The following EXOC6 variants were observed in gnomAD, a reference collection of about 807,000 sequenced individuals.
EXOC6 encodes SEC15-like 1.
Under a neutral mutation model 112.5 loss-of-function variants are expected in EXOC6, and 60 were observed. The observed-to-expected ratio is 0.53, with a 90% CI of 0.43 to 0.66. The LOEUF is 0.66. Ranked by LOEUF, EXOC6 falls within the 30% of genes least tolerant of loss-of-function variation. EXOC6 has a pLI of 0.00. For synonymous variants in EXOC6, 295 were observed against 308.0 expected, an observed-to-expected ratio of 0.96 and a Z score of 0.44; for missense variants, 855 against 957.1, an observed-to-expected ratio of 0.89 and a Z score of 1.41.
At chr10:92,939,164 G>C (rs1406878250) in intron 12 of EXOC6, among the ~76,000 whole-genome samples, 9 of 152,062 alleles carry the variant, frequency 5.9e-5, no homozygotes, top group Admixed American at 2.6e-4. Context: ...GTAGTTTTTA[G>C]GCAGGGGAAT....
At chr10:92,919,383 T>A (rs771500532) in intron 7 of EXOC6, among the ~76,000 whole-genome samples, 49 of 152,248 alleles carry the variant, frequency 3.2e-4, no homozygotes, top group Non-Finnish European at 5.6e-4. Flanking sequence ...GGTTTATGTA[T>A]TTCTCAAGTT....
At chr10:92,919,668 G>A (rs1054374000) in intron 7 of EXOC6, among the ~76,000 whole-genome samples, 3 of 151,968 alleles carry the variant, frequency 2.0e-5, no homozygotes, top group Non-Finnish European at 4.4e-5. Flanking sequence ...CAATAATAAG[G>A]TATCTAGTTA....
rs540614584 is a variant in EXOC6 at position 92,864,933 on chromosome 10, T to A, written c.101+16299T>A. On this transcript the variant is annotated intron_variant, in intron 1 of 21. Transcript: ENST00000260762. ...CTGTAATAAATCTTTTATATGTCTT[T>A]ATATATCCTATTAGTTTTGTTCCTT... is the stretch of plus-strand genomic sequence containing the variant. Among the ~76,000 whole-genome samples, 31 of 152,320 alleles carry A rather than the reference T, an allele frequency of 2.0e-4. No individual in the cohort carries two copies. In the South Asian group the frequency reaches 6.3e-3, roughly 31 times the overall value.
chr10:92,938,719 CAGTA>C (rs1362536977), intron 12 of EXOC6, among the ~76,000 whole-genome samples: 2 of 152,094 alleles, frequency 1.3e-5, no homozygotes, highest in African/African-American at 4.8e-5. Context: ...ACATAAAAGT[CAGTA>C]AGACAGTAGG....
chr10:92,830,750 C>T (rs1846461853), upstream of EXOC6, among the ~76,000 whole-genome samples: 1 of 152,160 alleles, frequency 6.6e-6, no homozygotes, highest in Non-Finnish European at 1.5e-5. Flanking sequence ...AACCACTAGC[C>T]TAGGGTCACT....
At position 92,940,102 on chromosome 10, in the gene EXOC6, A is replaced by G. The variant is rs573780815; in HGVS notation, c.1213-625A>G. On this transcript the variant is annotated intron_variant, in intron 12 of 21. Coordinates refer to ENST00000260762, the MANE Select transcript of EXOC6 (RefSeq NM_019053.6). ...ACATAATAGAGTAAGAAGTTAACCC[A>G]TGGAATGGTTTATGTGGAAGGAGAT... Among the ~76,000 whole-genome samples the G allele has an allele frequency of 2.0e-5, 3 of 152,240 alleles. No homozygotes were observed. The South Asian group carries it at 6.2e-4, about 32-fold the overall frequency.
rs181388886 is a variant in EXOC6, at chr10:92,994,784, A to G, written c.1954-2690A>G. On this transcript the variant is annotated intron_variant, in intron 18 of 21. Coordinates refer to ENST00000260762, the MANE Select transcript of EXOC6 (RefSeq NM_019053.6). Reference sequence around the variant, plus strand: ...GGCATCAATAATAATAATAATAATAATAGTGTTCAGAAGATTATACCAGAG... The same window carrying G: ...GGCATCAATAATAATAATAATAATAGTAGTGTTCAGAAGATTATACCAGAG... Among the ~76,000 whole-genome samples the G allele has an allele frequency of 6.9e-3, 1,035 of 150,960 alleles. 22 individuals are homozygous for G. The highest frequency in any genetic ancestry group is 0.024 in the African/African-American group (985 of 40,522).
chr10:92,985,528 C>T (rs1457785162), intron 18 of EXOC6, among the ~76,000 whole-genome samples: 4 of 152,204 alleles, frequency 2.6e-5, no homozygotes, highest in Admixed American at 6.5e-5. Flanking sequence ...TCTCAGGATA[C>T]GAGTAAACAT....
chr10:92,966,308 T>TATTATA (rs1459744572), intron 17 of EXOC6, among the ~76,000 whole-genome samples: 1 of 148,672 alleles, frequency 6.7e-6, no homozygotes, highest in East Asian at 2.0e-4. Context: ...TTATTATTAT[T>TATTATA]ATACTTTTAG....
chr10:93,039,672 A>G (rs181267129), intron 20 of EXOC6, among the ~76,000 whole-genome samples: 70 of 152,372 alleles, frequency 4.6e-4, no homozygotes, highest in Admixed American at 2.0e-3. Flanking sequence ...TGATTATTCA[A>G]TGAAATTAAG....
chr10:93,050,709 G>A (rs554084676), intron 20 of EXOC6, among the ~76,000 whole-genome samples: 69 of 126,980 alleles, frequency 5.4e-4, no homozygotes, highest in African/African-American at 1.5e-3. Flanking sequence ...GCAGTGAGCC[G>A]AGATCACGCC....
intron 19 of EXOC6, chr10:92,999,345 G>T: frequency 2.6e-6 from 1 of 382,066 alleles, no homozygotes; most frequent in South Asian, 1.9e-5. Flanking sequence ...TTAGAGGCGT[G>T]AGCTACTGTG....
intron 20 of EXOC6, among the ~76,000 whole-genome samples, chr10:93,047,538 A>G (rs1590107469): frequency 8.7e-6 from 1 of 115,480 alleles, no homozygotes; most frequent in South Asian, 2.5e-4. Flanking sequence ...TATGTCTCAA[A>G]CAAAACAAAA....
intron 1 of EXOC6, among the ~76,000 whole-genome samples, chr10:92,884,091 G>A (rs1455218479): frequency 1.3e-5 from 2 of 152,084 alleles, no homozygotes; most frequent in African/African-American, 4.8e-5. Flanking sequence ...TAGAAACAGA[G>A]TTTCACCATG....
Position 93,005,482 on chromosome 10 carries a change from C to T in EXOC6, c.2095+7867C>T, listed in dbSNP as rs567948116. Among the ~76,000 whole-genome samples, 33 of 151,890 alleles carry T rather than the reference C, an allele frequency of 2.2e-4. No homozygotes were observed. In the South Asian group the frequency reaches 4.8e-3, roughly 22 times the overall value. On this transcript the variant is annotated intron_variant, in intron 19 of 21. Transcript: ENST00000260762. Reference sequence around the variant, plus strand: ...TAAATACTTATTATATATTGGGTACCAATATAGATACCTTATAGATATAAC... The same window carrying T: ...TAAATACTTATTATATATTGGGTACTAATATAGATACCTTATAGATATAAC...
chr10:92,859,444 A>G (rs1254621851), intron 1 of EXOC6, among the ~76,000 whole-genome samples: 2 of 152,178 alleles, frequency 1.3e-5, no homozygotes, highest in African/African-American at 4.8e-5. Context: ...CGGCTGTTAG[A>G]TTCCAGTAAT....
chr10:92,891,485 CT>C (rs1405477141), intron 1 of EXOC6, among the ~76,000 whole-genome samples: 2 of 151,976 alleles, frequency 1.3e-5, no homozygotes, highest in African/African-American at 4.8e-5. Flanking sequence ...AACCTAAATT[CT>C]TTTTTTTCTT....
At chr10:93,052,288 A>G (rs1479256691) in intron 20 of EXOC6, among the ~76,000 whole-genome samples, 2 of 152,196 alleles carry the variant, frequency 1.3e-5, no homozygotes, top group Non-Finnish European at 2.9e-5. Context: ...TGAAACCCCA[A>G]GTTCCTTGGG....
chr10:92,827,930 A>C (rs1846412791), intron 1 of EXOC6, among the ~76,000 whole-genome samples: 1 of 152,142 alleles, frequency 6.6e-6, no homozygotes, highest in African/African-American at 2.4e-5. Context: ...CTCTGTTGGC[A>C]CTTTCAGCTA....
Sources: allele counts gnomAD v4.1 joint callset (sites outside exome capture counted in the v4.1 genomes callset), GRCh38; gene constraint gnomAD v4.1.1; transcripts MANE v1.5; gene names NCBI Gene and HGNC (gene_info 2026-07-23, HGNC 2026-07-21).